Variants in BAIAP2 observed in about 807,000 individuals in gnomAD.
The protein encoded by BAIAP2 is BAR/IMD domain containing adaptor protein 2, also known as BAR/IMD domain-containing adapter protein 2.
A neutral mutation model predicts 63.0 loss-of-function variants in BAIAP2; 18 were observed. The ratio of observed to expected loss-of-function variants is 0.29; its 90% CI spans 0.20 to 0.42. The LOEUF (loss-of-function observed/expected upper bound fraction) is 0.42. Ranked by LOEUF, BAIAP2 falls within the 10% of genes least tolerant of loss-of-function variation. The pLI is 1.00. For missense variants in BAIAP2, 610 were observed against 734.3 expected, an observed-to-expected ratio of 0.83 and a Z score of 1.96; for synonymous variants, 386 against 307.6, an observed-to-expected ratio of 1.25 and a Z score of -2.67.
At chr17:81,058,185 G>T (rs1292679064) in intron 3 of BAIAP2, among the ~76,000 whole-genome samples, 1 of 152,218 alleles carries the variant, frequency 6.6e-6, no homozygotes, top group Non-Finnish European at 1.5e-5. Context: ...GCAGCCTGGG[G>T]TGAGGACAGC....
Position 81,035,274 on chromosome 17 carries a change from A to G in BAIAP2, c.20A>G (p.Glu7Gly). The G allele has an allele frequency of 6.6e-7, 1 of 1,520,690 alleles. No homozygotes were observed. Among genetic ancestry groups the G allele is most frequent in the Non-Finnish European group, 8.8e-7 (1 of 1,130,904 alleles). 94.2% of individuals were successfully genotyped at this position (1,520,690 alleles called of 1,614,324 possible). Residue 7 changes from glutamate to glycine, a missense_variant, in exon 1 of 14, where the codon GAG (glutamate) becomes GGG (glycine). Transcript: ENST00000428708. The stretch of plus-strand genomic sequence containing the variant: ...AGGACCATGTCTCTGTCTCGCTCAG[A>G]GGAGATGCACCGGCTCACGGAAAAT... Reference protein sequence around the residue: MSLSRSEEMHRLTENVY... With the variant: MSLSRSGEMHRLTENVY...
Position 81,108,309 on chromosome 17 carries a change from A to T in BAIAP2, c.1501-166A>T, listed in dbSNP as rs988741035. 6 of 685,742 alleles carry T rather than the reference A, an allele frequency of 8.7e-6. No homozygotes were observed. In the African/African-American group the frequency reaches 1.1e-4, roughly 12 times the overall value. 42.5% of individuals were successfully genotyped at this position (685,742 alleles called of 1,614,324 possible). ...ACTTTACCACTGGGACCAGGGCTCC[A>T]GGCAGGTCTCTGAGTGCTGCAGCCA... On this transcript the variant is annotated intron_variant, in intron 12 of 13. Transcript: ENST00000428708.
At chr17:81,056,038 G>A (rs2049499300) in intron 2 of BAIAP2, among the ~76,000 whole-genome samples, 1 of 152,306 alleles carries the variant, frequency 6.6e-6, no homozygotes, top group African/African-American at 2.4e-5. Context: ...TCCCTATGGT[G>A]CACCCCAGTT....
In BAIAP2 at chr17:81,100,067, C is replaced by G. The variant is rs748624549; in HGVS notation, c.629C>G (p.Ala210Gly). 6.2e-7 allele frequency: 1 copy of G among 1,610,722 alleles called. No homozygotes were observed. The highest frequency in any genetic ancestry group is 1.1e-5 in the South Asian group (1 of 90,968). The change falls in exon 7 of 14, where the codon GCC (alanine) becomes GGC (glycine). Residue 210 changes from alanine to glycine, a missense_variant. Coordinates refer to ENST00000428708, the MANE Select transcript of BAIAP2 (RefSeq NM_001144888.2). The part of the protein sequence containing the change: ...KQCAVAKNSA[A>G]YHSKGKELLA... ...TGCGCCGTGGCCAAGAACTCCGCGGCCTACCACTCCAAGGTGAGGCGGCTG... is the reference window on the plus strand; with the variant it reads ...TGCGCCGTGGCCAAGAACTCCGCGGGCTACCACTCCAAGGTGAGGCGGCTG...
intron 3 of BAIAP2, among the ~76,000 whole-genome samples, chr17:81,073,124 C>T (rs1003358155): frequency 2.6e-5 from 4 of 152,060 alleles, no homozygotes; most frequent in Non-Finnish European, 2.9e-5. Context: ...TCGTAGGTGG[C>T]GTGGGGCCTT....
intron 6 of BAIAP2, chr17:81,098,053 G>A (rs1367573779): frequency 1.6e-6 from 2 of 1,221,602 alleles, no homozygotes; most frequent in Non-Finnish European, 2.1e-6. Flanking sequence ...CGCTACCCCA[G>A]ACCTCAGGCA....
At chr17:81,108,784 C>A in intron 13 of BAIAP2, 1 of 1,045,274 alleles carries the variant, frequency 9.6e-7, no homozygotes, top group Non-Finnish European at 1.3e-6. Context: ...AGGCTGGCAT[C>A]CATGGCTGGG....
intron 6 of BAIAP2, among the ~76,000 whole-genome samples, chr17:81,092,858 T>C (rs1280746592): frequency 6.6e-6 from 1 of 152,114 alleles, no homozygotes; most frequent in Non-Finnish European, 1.5e-5. Context: ...ACCTTCTCTG[T>C]GGGTTTATCA....
rs113744386 is a variant in BAIAP2, at chr17:81,057,977, C to T, written c.217+10C>T. Reference sequence around the variant, plus strand: ...GGCTCCAAAGAACTCGGTGAGACCCCCCCCCCCCCCCCGCCTGGTAGTCGC... The same window carrying T: ...GGCTCCAAAGAACTCGGTGAGACCCTCCCCCCCCCCCCGCCTGGTAGTCGC... On this transcript the variant is annotated intron_variant, in intron 3 of 13. Coordinates refer to ENST00000428708, the MANE Select transcript of BAIAP2 (RefSeq NM_001144888.2). 22 of 385,368 alleles carry T rather than the reference C, an allele frequency of 5.7e-5. No individual in the cohort carries two copies. The East Asian group carries it at 5.9e-4, about 10-fold the overall frequency. The allele number at this position is 385,368 out of a possible 1,614,324, so 23.9% of individuals were successfully genotyped here.
At chr17:81,083,284 G>A (rs1330534376) in intron 3 of BAIAP2, 1 of 152,298 alleles carries the variant, frequency 6.6e-6, no homozygotes, top group African/African-American at 2.4e-5. Flanking sequence ...GCGGTGGCCT[G>A]GACGTCAGCA....
intron 13 of BAIAP2, among the ~76,000 whole-genome samples, chr17:81,114,155 T>G (rs2060246205): frequency 7.2e-6 from 1 of 138,492 alleles, no homozygotes; most frequent in Non-Finnish European, 1.6e-5. Flanking sequence ...TTTTTTTTTT[T>G]GTAGAGACGG....
chr17:81,043,268 C>T (rs1393313545), intron 1 of BAIAP2, among the ~76,000 whole-genome samples: 1 of 152,260 alleles, frequency 6.6e-6, no homozygotes, highest in African/African-American at 2.4e-5. Context: ...CCAGCCCCCT[C>T]TTCCGTGGCC....
At chr17:81,064,298 C>T (rs1321639547) in intron 3 of BAIAP2, among the ~76,000 whole-genome samples, 1 of 152,244 alleles carries the variant, frequency 6.6e-6, no homozygotes, top group African/African-American at 2.4e-5. Flanking sequence ...GGGGAGGTGG[C>T]CTCGGGCTAT....
At chr17:81,041,300 T>C (rs7405730) in intron 1 of BAIAP2, among the ~76,000 whole-genome samples, 152,184 of 152,282 alleles carry the variant, frequency 1, 76,045 homozygotes, top group Non-Finnish European at 1. Flanking sequence ...CTGGAGGCTC[T>C]GGGGCCTGTC....
At chr17:81,074,902 G>A (rs1016149578) in intron 3 of BAIAP2, among the ~76,000 whole-genome samples, 6 of 152,264 alleles carry the variant, frequency 3.9e-5, no homozygotes, top group Admixed American at 3.9e-4. Flanking sequence ...AAGTGAATGG[G>A]TGTTTGCTCT....
At chr17:81,081,341 A>G (rs1013573155) in intron 3 of BAIAP2, among the ~76,000 whole-genome samples, 3 of 152,184 alleles carry the variant, frequency 2.0e-5, no homozygotes, top group Non-Finnish European at 4.4e-5. Context: ...TCCTCAGCAC[A>G]GGGCAGTCTG....
At chr17:81,050,935 C>G (rs1160602524) in intron 1 of BAIAP2, among the ~76,000 whole-genome samples, 2 of 151,838 alleles carry the variant, frequency 1.3e-5, no homozygotes, top group East Asian at 3.9e-4. Flanking sequence ...ACCGCCAGTC[C>G]CGGTCTGCAT....
At chr17:81,036,808 G>T in intron 1 of BAIAP2, 1 of 1,407,720 alleles carries the variant, frequency 7.1e-7, no homozygotes, top group Non-Finnish European at 9.7e-7. Context: ...TCAAGGGAGG[G>T]AGGTTTATTA....
chr17:81,116,032 C>G lies in BAIAP2; in HGVS notation c.*193C>G. On this transcript the variant is annotated 3_prime_UTR_variant, in exon 14 of 14. Transcript: ENST00000428708. Reference sequence around the variant, plus strand: ...GCCGGGCAGAGTGGGGCGCAGGCCCCTGAAGGGCGAGACCCAGTGGCTGGG... The same window carrying G: ...GCCGGGCAGAGTGGGGCGCAGGCCCGTGAAGGGCGAGACCCAGTGGCTGGG... The G allele has an allele frequency of 6.9e-7, 1 of 1,458,820 alleles. No homozygotes were observed. Among genetic ancestry groups the G allele is most frequent in the Admixed American group, 2.5e-5 (1 of 40,384 alleles). The allele number at this position is 1,458,820 out of a possible 1,614,324, so 90.4% of individuals were successfully genotyped here.
Sources: gnomAD v4.1 joint callset for allele counts (sites outside exome capture counted in the v4.1 genomes callset) on GRCh38, gnomAD v4.1.1 for gene constraint, MANE v1.5 for transcripts, NCBI Gene and HGNC (gene_info 2026-07-23, HGNC 2026-07-21) for gene names.